Variants in EPB41L4A observed in about 807,000 individuals in gnomAD.
EPB41L4A encodes band 4.1-like protein 4A.
In EPB41L4A, 100 loss-of-function variants were observed where a neutral mutation model predicts 108.6. The ratio of observed to expected loss-of-function variants is 0.92; its 90% confidence interval spans 0.78 to 1.09. EPB41L4A has a LOEUF of 1.09. Ranked by LOEUF, EPB41L4A falls within the 50% of genes least tolerant of loss-of-function variation. The pLI, the probability that EPB41L4A is intolerant of heterozygous loss-of-function variation, is 0.00. For synonymous variants in EPB41L4A, 319 were observed against 289.0 expected, an observed-to-expected ratio of 1.10 and a Z score of -1.05; for missense variants, 1,030 against 842.7, an observed-to-expected ratio of 1.22 and a Z score of -2.75.
rs148820945 is a variant in EPB41L4A, at chr5:112,339,942, T to A, written c.100-32452A>T. 3.7e-3 allele frequency among the ~76,000 whole-genome samples: 567 copies of A among 152,194 alleles called. 3 individuals are homozygous for A. The highest frequency in any genetic ancestry group is 0.013 in the African/African-American group (521 of 41,522). On this transcript the variant is annotated intron_variant, in intron 1 of 22. Coordinates refer to ENST00000261486, the MANE Select transcript of EPB41L4A (RefSeq NM_022140.5). ...AAATATCACTCTCTGGGCTCACAGA[T>A]GAGAAAACCAGGGCCTAGACTAGTT...
At chr5:112,270,013 T>C (rs1428352199) in intron 4 of EPB41L4A, among the ~76,000 whole-genome samples, 2 of 152,170 alleles carry the variant, frequency 1.3e-5, no homozygotes, top group Non-Finnish European at 2.9e-5. Flanking sequence ...ATTTATCTAA[T>C]GTATGTTGAA....
chr5:112,372,392 G>A (rs920144188), intron 1 of EPB41L4A, among the ~76,000 whole-genome samples: 2 of 152,176 alleles, frequency 1.3e-5, no homozygotes, highest in African/African-American at 4.8e-5. Flanking sequence ...TTGACATGGG[G>A]ATTATTACAA....
intron 12 of EPB41L4A, among the ~76,000 whole-genome samples, chr5:112,212,110 T>C (rs1285774311): frequency 6.6e-6 from 1 of 152,204 alleles, no homozygotes; most frequent in Non-Finnish European, 1.5e-5. Context: ...TAGTCAATTT[T>C]GCCATAACCA....
intron 9 of EPB41L4A, 96 bp downstream of exon 9, chr5:112,259,133 A>T (rs991085788): frequency 1.1e-6 from 1 of 924,974 alleles, no homozygotes; most frequent in Non-Finnish European, 1.7e-6. Flanking sequence ...ATGTGGAAGC[A>T]GCTGAAGAAA....
At chr5:112,245,843 A>C (rs1750172197) in intron 9 of EPB41L4A, among the ~76,000 whole-genome samples, 2 of 152,184 alleles carry the variant, frequency 1.3e-5, no homozygotes, top group South Asian at 4.1e-4. Context: ...AGGTGGAGTG[A>C]GAGAGGTCCA....
intron 12 of EPB41L4A, among the ~76,000 whole-genome samples, chr5:112,227,528 G>A (rs979544280): frequency 1.3e-5 from 2 of 152,182 alleles, no homozygotes; most frequent in Non-Finnish European, 2.9e-5. Context: ...GCTCAAGCTG[G>A]CTAAGTGACT....
chr5:112,328,866 C>T (rs536190778), intron 1 of EPB41L4A, among the ~76,000 whole-genome samples: 14 of 152,328 alleles, frequency 9.2e-5, no homozygotes, highest in African/African-American at 3.4e-4. Context: ...TTATGTGAAT[C>T]ACTAACTCCT....
intron 2 of EPB41L4A, among the ~76,000 whole-genome samples, chr5:112,306,378 C>G (rs1038613632): frequency 6.6e-6 from 1 of 152,046 alleles, no homozygotes; most frequent in Non-Finnish European, 1.5e-5. Context: ...GCAAAGCTAT[C>G]CAACATACCC....
intron 1 of EPB41L4A, among the ~76,000 whole-genome samples, chr5:112,337,919 G>A (rs1055378090): frequency 1.3e-5 from 2 of 152,088 alleles, no homozygotes; most frequent in Non-Finnish European, 2.9e-5. Flanking sequence ...AGAAACAAAG[G>A]TACCAATGAC....
At chr5:112,189,929 G>A (rs1031474891) in intron 17 of EPB41L4A, among the ~76,000 whole-genome samples, 3 of 152,096 alleles carry the variant, frequency 2.0e-5, no homozygotes, top group African/African-American at 7.2e-5. Flanking sequence ...TTCATCAAAG[G>A]TTTCACTCTC....
At position 112,162,997 on chromosome 5, in the gene EPB41L4A, G is replaced by A. The variant is rs1260171727; in HGVS notation, c.*1993C>T. The A allele has an allele frequency of 6.6e-6, 1 of 152,212 alleles. No individual in the cohort carries two copies. The highest frequency in any genetic ancestry group is 2.4e-5 in the African/African-American group (1 of 41,440). The allele number at this position is 152,212 out of a possible 1,614,324, so 9.4% of individuals were successfully genotyped here. A position where few individuals can be genotyped will look rare whatever the true frequency, so the allele number is the denominator to read the frequency against. ...GTAAGATGGCTATTATGGGAGGTGA[G>A]AGTGTTACAAAATGAGGCTGAAGAG... On this transcript the variant is annotated 3_prime_UTR_variant, in exon 23 of 23. Transcript: ENST00000261486.
intron 18 of EPB41L4A, among the ~76,000 whole-genome samples, 169 bp from the exon 19 acceptor site, chr5:112,171,161 C>T (rs1255587964): frequency 1.3e-5 from 2 of 152,138 alleles, no homozygotes; most frequent in African/African-American, 4.8e-5. Context: ...AAGACACCAG[C>T]AGCTAAATTG....
chr5:112,419,921 G>A (rs1443891085), upstream of EPB41L4A: 2 of 456,336 alleles, frequency 4.4e-6, no homozygotes, highest in South Asian at 1.5e-5. Context: ...CAGCAAAGCG[G>A]GGAGGCGGGG....
chr5:112,214,747 CAG>C (rs1205789123), intron 12 of EPB41L4A, among the ~76,000 whole-genome samples: 1 of 151,364 alleles, frequency 6.6e-6, no homozygotes, highest in Non-Finnish European at 1.5e-5. Context: ...GCCCAGGCGA[CAG>C]AGCAAGACTC....
At chr5:112,394,729 G>A (rs1412961487) in intron 1 of EPB41L4A, among the ~76,000 whole-genome samples, 1 of 152,118 alleles carries the variant, frequency 6.6e-6, no homozygotes, top group African/African-American at 2.4e-5. Flanking sequence ...TCACAGAATT[G>A]GAAAAAACTA....
At chr5:112,306,277 T>C (rs369767083) in intron 2 of EPB41L4A, among the ~76,000 whole-genome samples, 11 of 152,304 alleles carry the variant, frequency 7.2e-5, no homozygotes, top group East Asian at 3.9e-4. Flanking sequence ...CTGTACAAGA[T>C]AGAATTCAGT....
chr5:112,262,669 G>A (rs946701912), intron 6 of EPB41L4A, 88 bp from the exon 7 acceptor site: 1 of 1,087,808 alleles, frequency 9.2e-7, no homozygotes, highest in South Asian at 1.4e-5. Context: ...TATTCAATGG[G>A]AAAACAAATA....
At chr5:112,322,274 T>A (rs572977016) in intron 1 of EPB41L4A, among the ~76,000 whole-genome samples, 1 of 152,186 alleles carries the variant, frequency 6.6e-6, no homozygotes, top group Non-Finnish European at 1.5e-5. Context: ...TTGGAAACCA[T>A]AGGCTAACTT....
At chr5:112,410,340 G>A (rs1225265678) in intron 1 of EPB41L4A, among the ~76,000 whole-genome samples, 1 of 152,184 alleles carries the variant, frequency 6.6e-6, no homozygotes, top group African/African-American at 2.4e-5. Context: ...AGACATTAAA[G>A]TATTCTAGGC....
Sources: allele counts gnomAD v4.1 joint callset (sites outside exome capture counted in the v4.1 genomes callset), GRCh38; gene constraint gnomAD v4.1.1; transcripts MANE v1.5; gene names NCBI Gene and HGNC (gene_info 2026-07-23, HGNC 2026-07-21).